AXIN1: variants seen among roughly 807,000 people sequenced by gnomAD.
AXIN1 encodes axin-1.
AXIN1 carries 30 observed loss-of-function variants against 76.4 expected under a neutral mutation model. The ratio of observed to expected loss-of-function variants is 0.39; its 90% CI spans 0.29 to 0.53. The LOEUF (loss-of-function observed/expected upper bound fraction) is 0.53. AXIN1 is among the 20% of genes least tolerant of loss of function. The pLI, the probability that AXIN1 is intolerant of heterozygous loss-of-function variation, is 0.66. For missense variants in AXIN1, 1,140 were observed against 1,198.8 expected, an observed-to-expected ratio of 0.95 and a Z score of 0.72; for synonymous variants, 545 against 501.4, an observed-to-expected ratio of 1.09 and a Z score of -1.16.
chr16:308,288 T>C (rs2053081664), intron 4 of AXIN1, among the ~76,000 whole-genome samples: 1 of 152,238 alleles, frequency 6.6e-6, no homozygotes, highest in African/African-American at 2.4e-5. Flanking sequence ...CTCTTTTCTC[T>C]GTGTTGCATC....
chr16:289,745 C>T, intron 9 of AXIN1, 138 bp from the exon 10 acceptor site: 1 of 1,008,100 alleles, frequency 9.9e-7, no homozygotes, highest in Non-Finnish European at 1.5e-6. Flanking sequence ...CACCTGGGGC[C>T]CGCAGCCCCC....
At chr16:329,655 G>A (rs1003661853) in intron 2 of AXIN1, among the ~76,000 whole-genome samples, 5 of 150,602 alleles carry the variant, frequency 3.3e-5, no homozygotes, top group Non-Finnish European at 3.0e-5. Context: ...TCGCTATGTC[G>A]CCCAGGCTAG....
In AXIN1 at chr16:334,842, G is replaced by C. The variant is rs2053771014; in HGVS notation, c.878+11306C>G. 1.3e-5 allele frequency among the ~76,000 whole-genome samples: 2 copies of C among 151,558 alleles called. 1 individual carries two copies. The highest frequency in any genetic ancestry group is 4.9e-5 in the African/African-American group (2 of 41,112). On this transcript the variant is annotated intron_variant, in intron 2 of 10. Transcript: ENST00000262320. ...TGGCATGCCAAAAGCAAACCATCCA[G>C]TACCATGACACGCTAATTACACAGC...
Position 288,213 on chromosome 16 carries a change from C to G in AXIN1, c.2498G>C (p.Cys833Ser), listed in dbSNP as rs2141459943. The G allele has an allele frequency of 6.2e-7, 1 of 1,613,760 alleles. No individual in the cohort carries two copies. Among genetic ancestry groups the G allele is most frequent in the Non-Finnish European group, 8.5e-7 (1 of 1,180,014 alleles). ...YFKKVSDEFD[C>S]GVVFEEVRED... ...TCGAACCTCCTCAAACACCACCCCA[C>G]AGTCAAACTCGTCGCTCACTTTCTT... is the stretch of plus-strand genomic sequence containing the variant. Residue 833 changes from cysteine (C) to serine (S), a missense_variant, in exon 11 of 11, where the codon TGT becomes TCT. Cys to Ser is a moderately radical substitution (Grantham distance 112). Around this residue, in one of 3 missense-constraint regions of AXIN1, gnomAD observed 429 missense variants for 405.8 expected, o/e 1.06. Transcript: ENST00000262320.
intron 2 of AXIN1, among the ~76,000 whole-genome samples, chr16:330,359 C>T (rs917279639): frequency 2.0e-5 from 3 of 152,146 alleles, no homozygotes; most frequent in Non-Finnish European, 2.9e-5. Flanking sequence ...CCACTGTGCC[C>T]GCTACCAAAC....
At chr16:327,693 C>T (rs1299091794) in intron 2 of AXIN1, among the ~76,000 whole-genome samples, 1 of 152,268 alleles carries the variant, frequency 6.6e-6, no homozygotes, top group Non-Finnish European at 1.5e-5. Context: ...ATGCCCCTCA[C>T]CAGCACTTAC....
chr16:298,553 G>C (rs916161496), intron 5 of AXIN1, among the ~76,000 whole-genome samples: 5 of 152,226 alleles, frequency 3.3e-5, no homozygotes, highest in African/African-American at 1.2e-4. Flanking sequence ...TGTTGCCCAG[G>C]CTGGAGAACA....
rs199725370 is a variant in AXIN1, at chr16:352,423, GT to G, written c.-137del. ...CCGGCTCCCGGAGCGGCGCGGCGCG[GT>G]CCGGGCCCATGCGCTCAGCGGCAGC... On this transcript the variant is annotated 5_prime_UTR_variant, in exon 1 of 11. It introduces an in-frame stop codon into an upstream open reading frame of the 5' UTR. Coordinates refer to ENST00000262320, the MANE Select transcript of AXIN1 (RefSeq NM_003502.4). 1 allele frequency: 978,974 copies of G among 979,180 alleles called. 489,384 individuals are homozygous for G. Among genetic ancestry groups the G allele is most frequent in the East Asian group, 1 (8,648 of 8,648 alleles). The allele number at this position is 979,180 out of a possible 1,614,324, so 60.7% of individuals were successfully genotyped here.
At chr16:295,640 T>C (rs908433398) in intron 7 of AXIN1, among the ~76,000 whole-genome samples, 6 of 152,160 alleles carry the variant, frequency 3.9e-5, no homozygotes, top group Admixed American at 2.0e-4. Context: ...ATATGGGACA[T>C]GCAATATTTA....
At chr16:312,339 C>T (rs140829127) in intron 3 of AXIN1, among the ~76,000 whole-genome samples, 151 of 152,258 alleles carry the variant, frequency 9.9e-4, no homozygotes, top group Non-Finnish European at 1.8e-3. Context: ...TTAAACACTT[C>T]AGTACAAACC....
intron 5 of AXIN1, among the ~76,000 whole-genome samples, chr16:300,773 G>A (rs574685383): frequency 5.3e-5 from 8 of 152,286 alleles, no homozygotes; most frequent in African/African-American, 9.6e-5. Context: ...TAAAGGGCCC[G>A]GGCACTCTGG....
intron 5 of AXIN1, 46 bp from the exon 6 acceptor site, chr16:298,297 C>A (rs982913334): frequency 5.3e-5 from 82 of 1,536,010 alleles, no homozygotes; most frequent in Non-Finnish European, 6.9e-5. Flanking sequence ...ACCAGCTGCA[C>A]ACTTGGGGAA....
intron 2 of AXIN1, among the ~76,000 whole-genome samples, chr16:341,544 C>A (rs1031834004): frequency 2.2e-4 from 34 of 152,360 alleles, no homozygotes; most frequent in Non-Finnish European, 4.0e-4. Context: ...CTAAGCCCCC[C>A]ACCCCCTCCG....
At chr16:342,206 C>T (rs1448578126) in intron 2 of AXIN1, among the ~76,000 whole-genome samples, 3 of 152,292 alleles carry the variant, frequency 2.0e-5, no homozygotes, top group South Asian at 2.1e-4. Flanking sequence ...CGAAGATCTG[C>T]AGCTTCACTC....
chr16:320,163 T>TA (rs2053407014), intron 2 of AXIN1, among the ~76,000 whole-genome samples: 1 of 152,152 alleles, frequency 6.6e-6, no homozygotes, highest in Non-Finnish European at 1.5e-5. Flanking sequence ...ACTCCCACCT[T>TA]AGCTTCCCAG....
intron 2 of AXIN1, among the ~76,000 whole-genome samples, chr16:333,058 G>T (rs374599404): frequency 6.6e-6 from 1 of 152,118 alleles, no homozygotes; most frequent in East Asian, 1.9e-4. Flanking sequence ...GGTGGGCCGG[G>T]TGCAATTGCT....
At chr16:350,300 TGTACACACAA>T (rs1426863646) in intron 1 of AXIN1, among the ~76,000 whole-genome samples, 1 of 152,206 alleles carries the variant, frequency 6.6e-6, no homozygotes, top group Non-Finnish European at 1.5e-5. Context: ...AAGCATTTAG[TGTACACACAA>T]GTACACACCA....
intron 2 of AXIN1, among the ~76,000 whole-genome samples, chr16:317,358 G>A (rs1194514551): frequency 6.6e-6 from 1 of 152,190 alleles, no homozygotes; most frequent in African/African-American, 2.4e-5. Context: ...GAACACACAA[G>A]CAGGGCCTTT....
At position 293,386 on chromosome 16, in the gene AXIN1, G is replaced by A. The variant is rs1161477241; in HGVS notation, c.2186+102C>T. On this transcript the variant is annotated intron_variant, in intron 8 of 10. Coordinates refer to ENST00000262320, the MANE Select transcript of AXIN1 (RefSeq NM_003502.4). This position sits in a 1 kb window ranked among gnomAD's most constrained non-coding sequence, Gnocchi z 4.6. ...AGTATGGCTGGGGGACACCCAGAGG[G>A]CCGTTTTTCCCCTGAAGACCTCAGG... 1.1e-5 allele frequency: 13 copies of A among 1,182,638 alleles called. No individual in the cohort carries two copies. The highest frequency in any genetic ancestry group is 1.4e-5 in the Non-Finnish European group (12 of 829,166). The allele number at this position is 1,182,638 out of a possible 1,614,324, so 73.3% of individuals were successfully genotyped here.
Sources: allele counts gnomAD v4.1 joint callset (sites outside exome capture counted in the v4.1 genomes callset), GRCh38; gene constraint gnomAD v4.1.1; regional missense constraint gnomAD v4.1.1; non-coding constraint Gnocchi (gnomAD v3.1); transcripts MANE v1.5; gene names NCBI Gene and HGNC (gene_info 2026-07-23, HGNC 2026-07-21).